Variants in FHIT observed in about 807,000 individuals in gnomAD.
FHIT encodes bis(5'-adenosyl)-triphosphatase.
FHIT carries 19 observed loss-of-function variants against 17.9 expected under a neutral mutation model. That is an observed-to-expected ratio of 1.06 (90% CI 0.74 to 1.56). The LOEUF (loss-of-function observed/expected upper bound fraction) is 1.56. Ranked by LOEUF, FHIT falls within the 40% of genes most tolerant of loss-of-function variation. FHIT has a pLI of 0.00. For missense variants in FHIT, 248 were observed against 189.2 expected (o/e 1.31, Z -1.82); for synonymous variants, 81 against 69.7 (o/e 1.16, Z -0.81).
intron 4 of FHIT, among the ~76,000 whole-genome samples, chr3:60,572,096 G>A (rs950357304): frequency 6.6e-6 from 1 of 151,938 alleles, no homozygotes; most frequent in East Asian, 1.9e-4. Flanking sequence ...TCTAAATTAT[G>A]GTCACTTGAA....
chr3:60,715,007 A>G (rs1406696034), intron 4 of FHIT, among the ~76,000 whole-genome samples: 1 of 152,206 alleles, frequency 6.6e-6, no homozygotes, highest in East Asian at 1.9e-4. Flanking sequence ...ACAAAGTTGG[A>G]GGCATCATGC....
At chr3:60,929,006 G>A (rs1450469612) in intron 3 of FHIT, among the ~76,000 whole-genome samples, 2 of 152,270 alleles carry the variant, frequency 1.3e-5, no homozygotes, top group East Asian at 3.9e-4. Flanking sequence ...ACATCAAAAA[G>A]CTTATCCACC....
At chr3:60,352,713 A>T (rs1271966825) in intron 5 of FHIT, among the ~76,000 whole-genome samples, 1 of 152,040 alleles carries the variant, frequency 6.6e-6, no homozygotes, top group African/African-American at 2.4e-5. Flanking sequence ...GGGTCTTGCT[A>T]TGTTGCCTAG....
intron 4 of FHIT, among the ~76,000 whole-genome samples, chr3:60,539,586 C>T (rs966879157): frequency 4.6e-5 from 7 of 152,120 alleles, no homozygotes; most frequent in Non-Finnish European, 8.8e-5. Flanking sequence ...AAATGTAGCA[C>T]ATATACGTGG....
intron 5 of FHIT, among the ~76,000 whole-genome samples, chr3:60,288,692 C>CT (rs1029570310): frequency 9.3e-5 from 14 of 151,184 alleles, no homozygotes; most frequent in African/African-American, 3.2e-4. Context: ...AAAAATCATA[C>CT]TTTTAAAAAA....
At chr3:61,033,377 T>C (rs1257620917) in intron 3 of FHIT, among the ~76,000 whole-genome samples, 1 of 152,166 alleles carries the variant, frequency 6.6e-6, no homozygotes, top group Non-Finnish European at 1.5e-5. Context: ...AGACATGGTG[T>C]AAGGGTAAAA....
intron 3 of FHIT, among the ~76,000 whole-genome samples, chr3:60,997,480 G>T (rs2107596381): frequency 6.6e-6 from 1 of 152,204 alleles, no homozygotes; most frequent in African/African-American, 2.4e-5. Context: ...GCAACATCTG[G>T]CTGAAGCTGT....
chr3:60,592,132 C>T (rs1479464555), intron 4 of FHIT, among the ~76,000 whole-genome samples: 1 of 149,768 alleles, frequency 6.7e-6, no homozygotes, highest in Non-Finnish European at 1.5e-5. Flanking sequence ...ACATTTTGAA[C>T]TCCACATTGT....
intron 5 of FHIT, among the ~76,000 whole-genome samples, chr3:60,324,474 G>C (rs1475041548): frequency 6.6e-6 from 1 of 151,664 alleles, no homozygotes; most frequent in Non-Finnish European, 1.5e-5. Flanking sequence ...AGTCCCAGCT[G>C]CTCGGGATGC....
intron 5 of FHIT, among the ~76,000 whole-genome samples, chr3:60,532,096 T>C (rs1406724791): frequency 6.6e-6 from 1 of 152,340 alleles, no homozygotes; most frequent in East Asian, 1.9e-4. Context: ...TGGAAAAATC[T>C]GCTCTTTTTA....
intron 5 of FHIT, among the ~76,000 whole-genome samples, chr3:60,523,696 C>T (rs945765862): frequency 1.5e-4 from 23 of 152,194 alleles, no homozygotes; most frequent in Admixed American, 1.3e-4. Flanking sequence ...TTATCAAACC[C>T]TTCTGTTAGA....
chr3:61,127,836 C>T (rs1009575389), intron 2 of FHIT, among the ~76,000 whole-genome samples: 1 of 151,996 alleles, frequency 6.6e-6, no homozygotes, highest in Non-Finnish European at 1.5e-5. Context: ...TGCCACTGCA[C>T]TCCAGTCTGG....
At chr3:59,992,476 T>C (rs1322534731) in intron 7 of FHIT, among the ~76,000 whole-genome samples, 1 of 152,090 alleles carries the variant, frequency 6.6e-6, no homozygotes, top group Non-Finnish European at 1.5e-5. Flanking sequence ...TATTAGCGCA[T>C]CTTTAGAAGC....
At chr3:60,018,822 A>AT (rs1700443972) in intron 5 of FHIT, among the ~76,000 whole-genome samples, 1 of 139,940 alleles carries the variant, frequency 7.1e-6, no homozygotes, top group Non-Finnish European at 1.6e-5. Flanking sequence ...TACTAAAAAT[A>AT]CAAAAAAAAC....
At position 60,926,916 on chromosome 3, in the gene FHIT, A is replaced by C. The variant is rs535383391; in HGVS notation, c.-110-104905T>G. On this transcript the variant is annotated intron_variant, in intron 3 of 9. Coordinates refer to ENST00000492590, the MANE Select transcript of FHIT (RefSeq NM_002012.4). ...GAAATACAAACTACCATCACAGAAT[A>C]CTAAAAACACCTCTATGCAAATAAA... 2.0e-5 allele frequency among the ~76,000 whole-genome samples: 3 copies of C among 152,234 alleles called. No homozygotes were observed. The South Asian group carries it at 6.2e-4, about 32-fold the overall frequency.
At chr3:60,127,521 A>G (rs747286683) in intron 5 of FHIT, among the ~76,000 whole-genome samples, 2 of 152,224 alleles carry the variant, frequency 1.3e-5, no homozygotes, top group Non-Finnish European at 2.9e-5. Context: ...TTCATATTCA[A>G]CAAGTTTACA....
intron 4 of FHIT, among the ~76,000 whole-genome samples, chr3:60,685,562 C>T (rs34499190): frequency 0.038 from 5,847 of 152,208 alleles, 148 homozygotes; most frequent in East Asian, 0.096. Flanking sequence ...ATCTCCACCC[C>T]GTGACATATG....
intron 2 of FHIT, among the ~76,000 whole-genome samples, chr3:61,184,744 G>T (rs1026018518): frequency 6.6e-6 from 1 of 152,076 alleles, no homozygotes; most frequent in Non-Finnish European, 1.5e-5. Flanking sequence ...CCATCTACAA[G>T]CATCTAAATG....
At chr3:59,799,420 T>TA (rs1699906903) in intron 8 of FHIT, among the ~76,000 whole-genome samples, 1 of 151,964 alleles carries the variant, frequency 6.6e-6, no homozygotes, top group East Asian at 1.9e-4. Context: ...AGGCCTGTGA[T>TA]GGGGAAGGCC....
Sources: allele counts gnomAD v4.1 joint callset (sites outside exome capture counted in the v4.1 genomes callset), GRCh38; gene constraint gnomAD v4.1.1; transcripts MANE v1.5; gene names NCBI Gene and HGNC (gene_info 2026-07-23, HGNC 2026-07-21).